Variants in QRFPR observed in about 807,000 individuals in gnomAD.
QRFPR encodes pyroglutamylated RFamide peptide receptor, also known as pyroglutamylated RF-amide peptide receptor.
QRFPR carries 37 observed loss-of-function variants against 31.3 expected under a neutral mutation model. The ratio of observed to expected loss-of-function variants is 1.18; its 90% CI spans 0.91 to 1.56. QRFPR has a LOEUF of 1.56. Ranked by LOEUF, QRFPR falls within the 40% of genes most tolerant of loss-of-function variation. The pLI is 0.00. For missense variants in QRFPR, 542 were observed against 532.5 expected, an observed-to-expected ratio of 1.02 and a Z score of -0.18; for synonymous variants, 197 against 192.0, an observed-to-expected ratio of 1.03 and a Z score of -0.22.
At chr4:121,337,634 C>G (rs995439549) in intron 2 of QRFPR, among the ~76,000 whole-genome samples, 2 of 152,018 alleles carry the variant, frequency 1.3e-5, no homozygotes, top group Admixed American at 6.6e-5. Context: ...GTACATTTAT[C>G]TTAAGCACCA....
In QRFPR at chr4:121,340,585, T is replaced by G; in HGVS notation, c.366A>C (p.Pro122=). 1.2e-6 allele frequency: 2 copies of G among 1,613,798 alleles called. No individual in the cohort carries two copies. Among genetic ancestry groups the G allele is most frequent in the Non-Finnish European group, 1.7e-6 (2 of 1,179,794 alleles). The change falls in exon 2 of 6, where the codon CCA becomes CCC. Residue 122 remains proline, a synonymous_variant. Coordinates refer to ENST00000394427, the MANE Select transcript of QRFPR (RefSeq NM_198179.3). ...LGGAFICKMV[P]FVQSTAVVTE... is the part of the protein sequence containing the mutation. Reference sequence around the variant, plus strand: ...TCACAACAGCGGTAGACTGGACAAATGGCACCATCTTGCAAATGAAAGCAC... The same window carrying G: ...TCACAACAGCGGTAGACTGGACAAAGGGCACCATCTTGCAAATGAAAGCAC...
At chr4:121,360,758 C>G (rs1027468433) in intron 1 of QRFPR, among the ~76,000 whole-genome samples, 2 of 152,172 alleles carry the variant, frequency 1.3e-5, no homozygotes, top group Non-Finnish European at 2.9e-5. Context: ...GAAGCTCAAA[C>G]TCCTTAACAC....
chr4:121,333,510 C>G (rs1725375543), intron 3 of QRFPR, among the ~76,000 whole-genome samples: 1 of 152,182 alleles, frequency 6.6e-6, no homozygotes, highest in African/African-American at 2.4e-5. Flanking sequence ...TTGAAAAGTA[C>G]TGAAAGCTGC....
rs370006989 is a variant in QRFPR, at chr4:121,336,974, G to A, written c.500-106C>T. 5.9e-6 allele frequency: 6 copies of A among 1,019,154 alleles called. No individual in the cohort carries two copies. The African/African-American group carries it at 6.3e-5, about 11-fold the overall frequency. The allele number at this position is 1,019,154 out of a possible 1,614,324, so 63.1% of individuals were successfully genotyped here. A position where few individuals can be genotyped will look rare whatever the true frequency, so the allele number is the denominator to read the frequency against. Reference sequence around the variant, plus strand: ...CCCTATGAGAGGGCAGCTGTTCTCTGCCCTAGGGCAGTGCCATGGTCTCCC... The same window carrying A: ...CCCTATGAGAGGGCAGCTGTTCTCTACCCTAGGGCAGTGCCATGGTCTCCC... On this transcript the variant is annotated intron_variant, in intron 2 of 5. Coordinates refer to ENST00000394427, the MANE Select transcript of QRFPR (RefSeq NM_198179.3).
At chr4:121,351,310 A>G (rs572553849) in intron 1 of QRFPR, among the ~76,000 whole-genome samples, 1 of 152,290 alleles carries the variant, frequency 6.6e-6, no homozygotes, top group South Asian at 2.1e-4. Flanking sequence ...GCTCATATGA[A>G]TTCTGTAGTT....
At chr4:121,332,721 A>T in intron 4 of QRFPR, 100 bp downstream of exon 4, 2 of 844,406 alleles carry the variant, frequency 2.4e-6, no homozygotes, top group Non-Finnish European at 3.7e-6. Flanking sequence ...AAGGATGCTT[A>T]GACTAAATTA....
chr4:121,354,362 T>TG (rs562712290), intron 1 of QRFPR, among the ~76,000 whole-genome samples: 74 of 152,064 alleles, frequency 4.9e-4, no homozygotes, highest in Middle Eastern at 3.4e-3. Context: ...TTCCATTTTT[T>TG]TATGTGTGTC....
intron 1 of QRFPR, among the ~76,000 whole-genome samples, chr4:121,353,114 C>T (rs1011681374): frequency 2.0e-5 from 3 of 152,014 alleles, no homozygotes; most frequent in Non-Finnish European, 4.4e-5. Flanking sequence ...ATCAATTCAT[C>T]CATTGGTGGA....
chr4:121,374,677 A>G (rs1726317644), intron 1 of QRFPR, among the ~76,000 whole-genome samples: 1 of 152,198 alleles, frequency 6.6e-6, no homozygotes. Context: ...AAACTCCCAG[A>G]TGATTTACTA....
At chr4:121,336,724 C>T (rs1725443305) in intron 3 of QRFPR, 83 bp downstream of exon 3, 3 of 1,119,520 alleles carry the variant, frequency 2.7e-6, no homozygotes, top group Admixed American at 1.7e-5. Context: ...CTGTATTGCT[C>T]CTGCAGGAAG....
rs1046962572 is a variant in QRFPR at position 121,333,026 on chromosome 4, G to T, written c.592C>A (p.His198Asn). The change falls in exon 4 of 6, where the codon CAC becomes AAC. Residue 198 changes from histidine (H) to asparagine (N), a missense_variant. By Grantham distance (68) the His-to-Asn change is moderately conservative (BLOSUM62 1). Coordinates refer to ENST00000394427, the MANE Select transcript of QRFPR (RefSeq NM_198179.3). ...GTCCACTCTTCTAAGCAGCAGATGT[G>T]TTCCTTTTCATATAGGAAGTCATAT... ...IKYDFLYEKE[H>N]ICCLEEWTSP... is the part of the protein sequence containing the mutation. The T allele has an allele frequency of 6.2e-7, 1 of 1,613,024 alleles. No individual in the cohort carries two copies. The highest frequency in any genetic ancestry group is 1.3e-5 in the African/African-American group (1 of 74,990).
At chr4:121,336,982 G>T (rs1725448160) in intron 2 of QRFPR, 114 bp from the exon 3 acceptor site, 1 of 928,978 alleles carries the variant, frequency 1.1e-6, no homozygotes, top group Non-Finnish European at 1.8e-6. Flanking sequence ...CTGCCCTAGG[G>T]CAGTGCCATG....
chr4:121,365,305 T>A (rs13140266), intron 1 of QRFPR, among the ~76,000 whole-genome samples: 23,354 of 140,646 alleles, frequency 0.17, 3,518 homozygotes, highest in East Asian at 0.59. Flanking sequence ...TACAAAAAAA[T>A]TGGCTAAGCA....
intron 1 of QRFPR, chr4:121,369,817 G>T (rs1726198212): frequency 2.3e-6 from 3 of 1,286,326 alleles, no homozygotes; most frequent in Non-Finnish European, 3.4e-6. Flanking sequence ...GAGAAGTGGT[G>T]CTTGGGGTGG....
rs62319025 is a variant in QRFPR at position 121,341,107 on chromosome 4, C to A, written c.341-497G>T. Among the ~76,000 whole-genome samples the A allele has an allele frequency of 2.4e-3, 370 of 152,314 alleles. 6 individuals are homozygous for A. Among genetic ancestry groups the A allele is most frequent in the Non-Finnish European group, 3.4e-3 (234 of 68,036 alleles). On this transcript the variant is annotated intron_variant, in intron 1 of 5. Transcript: ENST00000394427. ...ATATATGTATTACACCATTACACAC[C>A]AAACTGATTTTACTTTCTCTAATGC...
At chr4:121,359,271 T>C (rs961162925) in intron 1 of QRFPR, among the ~76,000 whole-genome samples, 1 of 152,202 alleles carries the variant, frequency 6.6e-6, no homozygotes, top group African/African-American at 2.4e-5. Context: ...TACTGTCAAC[T>C]TGATTGGATT....
intron 1 of QRFPR, among the ~76,000 whole-genome samples, chr4:121,348,916 T>C (rs1208165960): frequency 6.6e-6 from 1 of 151,916 alleles, no homozygotes; most frequent in East Asian, 1.9e-4. Context: ...GCTAACACGG[T>C]GAAAGCCCAT....
rs987022648 is a variant in QRFPR at position 121,337,015 on chromosome 4, C to T, written c.500-147G>A. ...ATGGTCTCCCCCAAGTTTCATGCTTCCACTCTTTCACCATCCTCAAAACTG... is the reference window on the plus strand; with the variant it reads ...ATGGTCTCCCCCAAGTTTCATGCTTTCACTCTTTCACCATCCTCAAAACTG... On this transcript the variant is annotated intron_variant, in intron 2 of 5. Coordinates refer to ENST00000394427, the MANE Select transcript of QRFPR (RefSeq NM_198179.3). 4.1e-6 allele frequency: 3 copies of T among 733,394 alleles called. No individual in the cohort carries two copies. In the South Asian group the frequency reaches 4.8e-5, roughly 12 times the overall value. 45.4% of individuals were successfully genotyped at this position (733,394 alleles called of 1,614,324 possible).
chr4:121,369,876 G>A, intron 1 of QRFPR: 1 of 825,820 alleles, frequency 1.2e-6, no homozygotes, highest in South Asian at 1.3e-5. Context: ...TCTCCACTCT[G>A]CAGCTTTAGT....
Sources: gnomAD v4.1 joint callset for allele counts (sites outside exome capture counted in the v4.1 genomes callset) on GRCh38, gnomAD v4.1.1 for gene constraint, MANE v1.5 for transcripts, NCBI Gene and HGNC (gene_info 2026-07-23, HGNC 2026-07-21) for gene names.